The following P2RY14 variants were observed in gnomAD, a reference collection of about 807,000 sequenced individuals.
P2RY14 encodes the protein purinergic receptor P2Y14.
In P2RY14, 2 loss-of-function variants were observed where a neutral mutation model predicts 0.9. The observed-to-expected ratio is 2.16, with a 90% CI of 0.88 to 6.79. P2RY14 has a LOEUF of 6.79. P2RY14 is among the 30% of genes most tolerant of loss of function. The probability of loss-of-function intolerance (pLI) is 0.05; values close to 1 mark genes in which losing one functional copy is unlikely to be tolerated. For missense variants in P2RY14, 378 were observed against 400.1 expected (o/e 0.94, Z 0.47); for synonymous variants, 158 against 147.2 (o/e 1.07, Z -0.53).
Position 151,237,350 on chromosome 3 carries a change from C to CTTTT in P2RY14, c.-132-17712_-132-17709dup, listed in dbSNP as rs57239604. On this transcript the variant is annotated intron_variant, in intron 1 of 2. Coordinates refer to ENST00000309170, the MANE Select transcript of P2RY14 (RefSeq NM_014879.4). The stretch of plus-strand genomic sequence containing the variant: ...ACCACGCCTGGCTTTTTTTTTTTTT[C>CTTTT]TTTTTTTTTTTTTTTTGAGACAGAG... 7.3e-3 allele frequency among the ~76,000 whole-genome samples: 690 copies of CTTTT among 94,612 alleles called. 24 individuals carry two copies. The highest frequency in any genetic ancestry group is 0.012 in the Middle Eastern group (1 of 86). 62.1% of individuals were successfully genotyped at this position (94,612 alleles called of 152,430 possible). A position where few individuals can be genotyped will look rare whatever the true frequency, so the allele number is the denominator to read the frequency against.
intron 1 of P2RY14, among the ~76,000 whole-genome samples, chr3:151,235,975 G>GT (rs1230654777): frequency 6.6e-6 from 1 of 151,966 alleles, no homozygotes; most frequent in Non-Finnish European, 1.5e-5. Context: ...AGTAATTGTG[G>GT]TTTTTGTGAT....
intron 1 of P2RY14, among the ~76,000 whole-genome samples, chr3:151,237,871 CA>C (rs1733244730): frequency 6.6e-6 from 1 of 152,092 alleles, no homozygotes; most frequent in African/African-American, 2.4e-5. Context: ...TGTCTAGTCA[CA>C]TTTTTTGCTT....
chr3:151,247,962 C>CTTTTTTTTTTTTTTT (rs61102632), intron 1 of P2RY14, among the ~76,000 whole-genome samples: 24 of 75,896 alleles, frequency 3.2e-4, no homozygotes, highest in African/African-American at 4.8e-4. Flanking sequence ...TCTTCTTCTT[C>CTTTTTTTTTTTTTTT]TTTTTTTTTT....
intron 1 of P2RY14, among the ~76,000 whole-genome samples, chr3:151,256,562 A>G (rs1737845532): frequency 6.6e-6 from 1 of 152,106 alleles, no homozygotes; most frequent in Non-Finnish European, 1.5e-5. Flanking sequence ...TTTTTTTCCT[A>G]ATGTAGGCAA....
intron 1 of P2RY14, among the ~76,000 whole-genome samples, chr3:151,253,069 A>G (rs77188322): frequency 8.9e-4 from 136 of 152,268 alleles, no homozygotes; most frequent in African/African-American, 3.2e-3. Flanking sequence ...CTGTCTTTTG[A>G]GTTCAACACT....
intron 1 of P2RY14, among the ~76,000 whole-genome samples, chr3:151,271,757 C>G (rs1468634167): frequency 1.3e-5 from 2 of 152,100 alleles, no homozygotes; most frequent in Admixed American, 6.5e-5. Flanking sequence ...TTGAGCAAAA[C>G]AAGTCAGACA....
intron 2 of P2RY14, 131 bp downstream of exon 2, chr3:151,219,404 G>T (rs1348312258): frequency 6.6e-6 from 1 of 152,096 alleles, no homozygotes; most frequent in Non-Finnish European, 1.5e-5. Flanking sequence ...TTTTCCTCTT[G>T]TATTAGAACA....
intron 1 of P2RY14, among the ~76,000 whole-genome samples, chr3:151,224,044 G>A (rs1729965871): frequency 6.6e-6 from 1 of 152,040 alleles, no homozygotes; most frequent in South Asian, 2.1e-4. Flanking sequence ...TATTAACACT[G>A]GTGACTGGTA....
intron 1 of P2RY14, among the ~76,000 whole-genome samples, chr3:151,238,049 C>G (rs1388509858): frequency 6.6e-6 from 1 of 152,174 alleles, no homozygotes; most frequent in Non-Finnish European, 1.5e-5. Flanking sequence ...TTTTAAGGAT[C>G]AAATTATCGT....
chr3:151,230,014 G>A (rs780897615), intron 1 of P2RY14, among the ~76,000 whole-genome samples: 3 of 152,008 alleles, frequency 2.0e-5, no homozygotes, highest in Non-Finnish European at 4.4e-5. Context: ...CTGTTGCCCA[G>A]GCTGGAGTGC....
At chr3:151,274,677 C>A (rs979286375) in intron 1 of P2RY14, among the ~76,000 whole-genome samples, 3 of 152,176 alleles carry the variant, frequency 2.0e-5, no homozygotes. Flanking sequence ...TTAGAATCGT[C>A]TCCAAATCCC....
intron 1 of P2RY14, among the ~76,000 whole-genome samples, chr3:151,276,147 G>C (rs1465772224): frequency 6.6e-6 from 1 of 152,198 alleles, no homozygotes; most frequent in South Asian, 2.1e-4. Context: ...CCAGGACATG[G>C]GGTCACCCAA....
At chr3:151,215,618 T>G (rs1486408939) in intron 2 of P2RY14, among the ~76,000 whole-genome samples, 2 of 152,196 alleles carry the variant, frequency 1.3e-5, no homozygotes, top group Non-Finnish European at 2.9e-5. Flanking sequence ...TCGGAAGTGT[T>G]GATTTAGGGC....
intron 1 of P2RY14, chr3:151,269,656 A>C (rs549604707): frequency 2.5e-6 from 1 of 398,480 alleles, no homozygotes; most frequent in African/African-American, 2.1e-5. Flanking sequence ...TTGAAGTGAC[A>C]GAATTTGGAG....
At chr3:151,234,277 C>G (rs530180303) in intron 1 of P2RY14, among the ~76,000 whole-genome samples, 1 of 152,208 alleles carries the variant, frequency 6.6e-6, no homozygotes, top group South Asian at 2.1e-4. Context: ...TAGTAACTTT[C>G]AAAGCTTCAA....
At chr3:151,245,985 C>T (rs1273240012) in intron 1 of P2RY14, among the ~76,000 whole-genome samples, 3 of 150,796 alleles carry the variant, frequency 2.0e-5, no homozygotes, top group Non-Finnish European at 4.4e-5. Context: ...AACAGACAAA[C>T]AGAGAGCCAA....
intron 1 of P2RY14, among the ~76,000 whole-genome samples, chr3:151,252,157 A>G (rs1184638522): frequency 6.6e-6 from 1 of 152,082 alleles, no homozygotes; most frequent in Non-Finnish European, 1.5e-5. Flanking sequence ...CTGTGTTACC[A>G]AAAAGTACTA....
At position 151,213,641 on chromosome 3, in the gene P2RY14, A is replaced by C. The variant is rs1351124425; in HGVS notation, c.676T>G (p.Ser226Ala). ...SHLKSSRNST[S>A]VKKKSSRNIF... ...TTGCGGCTAGATTTCTTTTTGACCG[A>C]AGTGGAATTCCGACTTGACTTAAGG... The change falls in exon 3 of 3, where the codon TCG becomes GCG. Residue 226 changes from serine (S) to alanine (A), a missense_variant. Coordinates refer to ENST00000309170, the MANE Select transcript of P2RY14 (RefSeq NM_014879.4). The C allele has an allele frequency of 1.9e-6, 3 of 1,614,070 alleles. No homozygotes were observed. The highest frequency in any genetic ancestry group is 2.5e-6 in the Non-Finnish European group (3 of 1,180,040).
chr3:151,245,359 A>G (rs1349398457), intron 1 of P2RY14, among the ~76,000 whole-genome samples: 1 of 137,520 alleles, frequency 7.3e-6, no homozygotes, highest in African/African-American at 2.8e-5. Context: ...ACATTGATGC[A>G]AAAATCCTCA....
Sources: gnomAD v4.1 joint callset for allele counts (sites outside exome capture counted in the v4.1 genomes callset) on GRCh38, gnomAD v4.1.1 for gene constraint, MANE v1.5 for transcripts, NCBI Gene and HGNC (gene_info 2026-07-23, HGNC 2026-07-21) for gene names.